The following DOCK3 variants were observed in gnomAD, a reference collection of about 807,000 sequenced individuals.
DOCK3 encodes dedicator of cytokinesis protein 3.
In DOCK3, 60 loss-of-function variants were observed where a neutral mutation model predicts 265.6. The ratio of observed to expected loss-of-function variants is 0.23; its 90% CI spans 0.18 to 0.28. The LOEUF (loss-of-function observed/expected upper bound fraction) is 0.28. Among genes scored for constraint, DOCK3 ranks in the 10% least tolerant of loss-of-function variants. DOCK3 has a pLI of 1.00. For missense variants in DOCK3, 1,981 were observed against 2,594.3 expected, an observed-to-expected ratio of 0.76 and a Z score of 5.14; for synonymous variants, 881 against 938.0, an observed-to-expected ratio of 0.94 and a Z score of 1.11.
chr3:51,348,728 C>A (rs1398617288), intron 38 of DOCK3, 124 bp from the exon 39 acceptor site: 2 of 956,592 alleles, frequency 2.1e-6, no homozygotes, highest in Non-Finnish European at 3.2e-6. Context: ...GGTATATGTT[C>A]TTTGTGACAC....
At chr3:50,790,406 G>A (rs1393105121) in intron 2 of DOCK3, among the ~76,000 whole-genome samples, 1 of 148,976 alleles carries the variant, frequency 6.7e-6, no homozygotes, top group Admixed American at 6.7e-5. Flanking sequence ...TACAGGTCCT[G>A]TGAGATTTAT....
intron 39 of DOCK3, 141 bp from the exon 40 acceptor site, chr3:51,350,147 T>C (rs545498217): frequency 1.5e-6 from 1 of 683,242 alleles, no homozygotes; most frequent in African/African-American, 1.8e-5. Context: ...AGGCTGGTCA[T>C]GTCTAGAGGC....
intron 5 of DOCK3, among the ~76,000 whole-genome samples, chr3:50,963,932 G>A (rs2076958209): frequency 6.6e-6 from 1 of 152,232 alleles, no homozygotes; most frequent in Non-Finnish European, 1.5e-5. Flanking sequence ...TATCCTCTGT[G>A]TATTCAGCAG....
intron 14 of DOCK3, among the ~76,000 whole-genome samples, chr3:51,220,790 A>G (rs904964916): frequency 4.7e-5 from 7 of 150,016 alleles, no homozygotes; most frequent in African/African-American, 1.7e-4. Context: ...TACAGAAGGA[A>G]TGTGAATATA....
chr3:50,976,558 T>C (rs956845062), intron 5 of DOCK3, among the ~76,000 whole-genome samples: 1 of 139,168 alleles, frequency 7.2e-6, no homozygotes, highest in African/African-American at 2.7e-5. Context: ...GAGCTTTACT[T>C]CCAAGTATTT....
rs1008953354 is a variant in DOCK3 at position 50,954,799 on chromosome 3, T to C, written c.315+20722T>C. ...GTCTGTTTACTTTGTTGATAGTTTC[T>C]TTTTCTGTGCAGAAGCTGTTAAGTT... On this transcript the variant is annotated intron_variant, in intron 5 of 52. Coordinates refer to ENST00000266037, the MANE Select transcript of DOCK3 (RefSeq NM_004947.5). Among the ~76,000 whole-genome samples, 12 of 152,232 alleles carry C rather than the reference T, an allele frequency of 7.9e-5. 1 individual carries two copies. In the South Asian group the frequency reaches 2.3e-3, roughly 29 times the overall value.
intron 2 of DOCK3, among the ~76,000 whole-genome samples, chr3:50,829,672 T>C (rs2045010990): frequency 6.6e-6 from 1 of 152,220 alleles, no homozygotes; most frequent in Non-Finnish European, 1.5e-5. Context: ...GATAGTTGCT[T>C]TCTAATGCCC....
chr3:51,047,410 A>AT (rs1307512758), intron 5 of DOCK3, among the ~76,000 whole-genome samples: 1 of 151,848 alleles, frequency 6.6e-6, no homozygotes, highest in Non-Finnish European at 1.5e-5. Flanking sequence ...TATAATAAAA[A>AT]ATATATAAAT....
intron 4 of DOCK3, among the ~76,000 whole-genome samples, chr3:50,924,995 CA>C (rs1274811898): frequency 2.6e-5 from 4 of 152,128 alleles, no homozygotes; most frequent in African/African-American, 9.7e-5. Context: ...TTTCTGATGC[CA>C]AAAGGAGGTT....
chr3:51,157,879 C>T (rs1334946674), intron 10 of DOCK3, among the ~76,000 whole-genome samples: 1 of 148,094 alleles, frequency 6.8e-6, no homozygotes, highest in Admixed American at 7.0e-5. Flanking sequence ...TTTCTCGGCT[C>T]ACTGCAAGCT....
At position 51,374,940 on chromosome 3, in the gene DOCK3, G is replaced by A. The variant is rs2110539096; in HGVS notation, c.5412+353G>A. Among the ~76,000 whole-genome samples, 1 of 152,332 alleles carries A rather than the reference G, an allele frequency of 6.6e-6. No homozygotes were observed. The highest frequency in any genetic ancestry group is 1.9e-4 in the East Asian group (1 of 5,184). ...CTGAGAAGGCAGTGGTGGACACATT[G>A]GTCTGGAAGATGTTCTTCCTCCCTA... On this transcript the variant is annotated intron_variant, in intron 50 of 52. Coordinates refer to ENST00000266037, the MANE Select transcript of DOCK3 (RefSeq NM_004947.5). The surrounding 1 kb of genome is among the most constrained non-coding windows in gnomAD (Gnocchi z 4.8).
intron 1 of DOCK3, among the ~76,000 whole-genome samples, chr3:50,735,817 A>C (rs984476801): frequency 6.6e-6 from 1 of 152,168 alleles, no homozygotes; most frequent in Non-Finnish European, 1.5e-5. Context: ...TTCTGCGGCT[A>C]TACAGGAAAC....
chr3:51,329,110 G>A (rs905027387), intron 32 of DOCK3, among the ~76,000 whole-genome samples: 5 of 152,152 alleles, frequency 3.3e-5, no homozygotes, highest in East Asian at 1.9e-4. Flanking sequence ...CCGAGATCGC[G>A]CCTGTGCACT....
chr3:50,703,305 T>A (rs903192426), intron 1 of DOCK3, among the ~76,000 whole-genome samples: 5 of 152,116 alleles, frequency 3.3e-5, no homozygotes, highest in Non-Finnish European at 7.4e-5. Flanking sequence ...TGTAGTTTTC[T>A]CTTTTTTTTC....
At chr3:50,971,381 G>T (rs2108472663) in intron 5 of DOCK3, among the ~76,000 whole-genome samples, 1 of 152,138 alleles carries the variant, frequency 6.6e-6, no homozygotes. Flanking sequence ...AATGTATGTT[G>T]TATAGGGTCA....
In DOCK3 at chr3:50,787,073, T is replaced by A. The variant is rs1007083673; in HGVS notation, c.121+8315T>A. 4.1e-6 allele frequency: 3 copies of A among 731,430 alleles called. No individual in the cohort carries two copies. In the African/African-American group the frequency reaches 5.2e-5, roughly 13 times the overall value. The allele number at this position is 731,430 out of a possible 1,614,324, so 45.3% of individuals were successfully genotyped here. ...ATATCCATGGACGATCTTGATATGTTCATGAAGGATCCAGTTTCTTGAACG... is the reference window on the plus strand; with the variant it reads ...ATATCCATGGACGATCTTGATATGTACATGAAGGATCCAGTTTCTTGAACG... On this transcript the variant is annotated intron_variant, in intron 2 of 52. Transcript: ENST00000266037.
intron 9 of DOCK3, among the ~76,000 whole-genome samples, chr3:51,092,848 T>G (rs1397701712): frequency 6.6e-6 from 1 of 152,174 alleles, no homozygotes; most frequent in African/African-American, 2.4e-5. Flanking sequence ...CTTGAGTTAA[T>G]TTTTGTATAA....
At chr3:51,157,746 A>G (rs2085923590) in intron 10 of DOCK3, among the ~76,000 whole-genome samples, 1 of 148,272 alleles carries the variant, frequency 6.7e-6, no homozygotes, top group Admixed American at 6.8e-5. Flanking sequence ...AAACATGGAG[A>G]CTCTGAATCT....
chr3:51,109,826 G>A (rs890704620), intron 9 of DOCK3, among the ~76,000 whole-genome samples: 2 of 151,928 alleles, frequency 1.3e-5, no homozygotes, highest in African/African-American at 2.4e-5. Context: ...CCAGCTACTC[G>A]TGAGGCCAAA....
Sources: gnomAD v4.1 joint callset for allele counts (sites outside exome capture counted in the v4.1 genomes callset) on GRCh38, gnomAD v4.1.1 for gene constraint, Gnocchi (gnomAD v3.1) non-coding constraint, MANE v1.5 for transcripts, NCBI Gene and HGNC (gene_info 2026-07-23, HGNC 2026-07-21) for gene names.